Variants in TMOD3 observed in about 807,000 individuals in gnomAD.
TMOD3 encodes tropomodulin 3.
In TMOD3, 20 loss-of-function variants were observed where a neutral mutation model predicts 39.2. The observed-to-expected ratio is 0.51, with a 90% confidence interval of 0.36 to 0.74. TMOD3 has a LOEUF of 0.74. Among genes scored for constraint, TMOD3 ranks in the 30% least tolerant of loss-of-function variants. TMOD3 has a pLI of 0.00. For missense variants in TMOD3, 381 were observed against 412.8 expected, an observed-to-expected ratio of 0.92 and a Z score of 0.67; for synonymous variants, 143 against 145.8, an observed-to-expected ratio of 0.98 and a Z score of 0.14.
chr15:51,850,895 A>C (rs1276526870), intron 1 of TMOD3, among the ~76,000 whole-genome samples: 1 of 152,120 alleles, frequency 6.6e-6, no homozygotes, highest in Non-Finnish European at 1.5e-5. Flanking sequence ...CACCACGCTC[A>C]GTTAATTTTT....
intron 3 of TMOD3, among the ~76,000 whole-genome samples, chr15:51,885,966 C>G (rs1311309548): frequency 6.7e-6 from 1 of 150,226 alleles, no homozygotes; most frequent in Non-Finnish European, 1.5e-5. Flanking sequence ...CAGGGGCTGC[C>G]CCCTACCTCC....
chr15:51,862,782 T>G (rs2056425590), intron 1 of TMOD3, 29 bp from the exon 2 acceptor site: 1 of 1,177,786 alleles, frequency 8.5e-7, no homozygotes, highest in Admixed American at 2.6e-5. Flanking sequence ...ACTTACTATT[T>G]AAAATGTATT....
chr15:51,841,223 A>G (rs931090882), intron 1 of TMOD3, among the ~76,000 whole-genome samples: 2 of 152,242 alleles, frequency 1.3e-5, no homozygotes, highest in African/African-American at 4.8e-5. Context: ...ACTTCATTAT[A>G]ATATGATATG....
At chr15:51,839,014 T>A (rs949524446) in intron 1 of TMOD3, among the ~76,000 whole-genome samples, 2 of 152,290 alleles carry the variant, frequency 1.3e-5, no homozygotes, top group Middle Eastern at 3.4e-3. Flanking sequence ...GGGACTGGAA[T>A]AAGGGGTGGG....
In TMOD3 at chr15:51,915,330, G is replaced by A. The variant is rs549900717; in HGVS notation, c.*6520G>A. The A allele has an allele frequency of 2.0e-5, 3 of 151,746 alleles. No individual in the cohort carries two copies. The highest frequency in any genetic ancestry group is 2.0e-4 in the Admixed American group (3 of 15,236). 9.4% of individuals were successfully genotyped at this position (151,746 alleles called of 1,614,324 possible). A position where few individuals can be genotyped will look rare whatever the true frequency, so the allele number is the denominator to read the frequency against. ...CCATTTAAGAATTGTTTTTTCAAAT[G>A]TATATACACGTATAACATAAAAATT... On this transcript the variant is annotated 3_prime_UTR_variant, in exon 10 of 10. Coordinates refer to ENST00000308580, the MANE Select transcript of TMOD3 (RefSeq NM_014547.5).
At chr15:51,857,298 G>T (rs552143604) in intron 1 of TMOD3, among the ~76,000 whole-genome samples, 1 of 152,336 alleles carries the variant, frequency 6.6e-6, no homozygotes, top group African/African-American at 2.4e-5. Flanking sequence ...AACTAGAGAA[G>T]TGAATATGAG....
At chr15:51,906,681 C>G (rs1393591063) in intron 9 of TMOD3, among the ~76,000 whole-genome samples, 2 of 152,244 alleles carry the variant, frequency 1.3e-5, no homozygotes, top group East Asian at 3.9e-4. Flanking sequence ...CAGTAACATC[C>G]AAACCCTGCT....
chr15:51,902,920 G>A (rs1472485018), intron 9 of TMOD3, among the ~76,000 whole-genome samples: 1 of 151,988 alleles, frequency 6.6e-6, no homozygotes, highest in Admixed American at 6.6e-5. Flanking sequence ...CAAAGTGCTG[G>A]GATTACAAGC....
chr15:51,840,196 C>T (rs1342196763), intron 1 of TMOD3, among the ~76,000 whole-genome samples: 1 of 152,110 alleles, frequency 6.6e-6, no homozygotes. Flanking sequence ...TGGGCTAGCA[C>T]CTCTCTTCTA....
At chr15:51,887,492 C>A in intron 3 of TMOD3, 97 bp from the exon 4 acceptor site, 4 of 1,243,446 alleles carry the variant, frequency 3.2e-6, no homozygotes, top group Non-Finnish European at 4.4e-6. Flanking sequence ...TTAATCTTTT[C>A]CTTCAGGTTC....
intron 3 of TMOD3, among the ~76,000 whole-genome samples, chr15:51,882,318 C>T (rs1159898419): frequency 6.6e-6 from 1 of 151,788 alleles, no homozygotes; most frequent in Non-Finnish European, 1.5e-5. Context: ...GCAGGTGGAT[C>T]ACTTGAGGTC....
At chr15:51,882,708 A>ATAT (rs1388477059) in intron 3 of TMOD3, among the ~76,000 whole-genome samples, 1 of 152,156 alleles carries the variant, frequency 6.6e-6, no homozygotes, top group Non-Finnish European at 1.5e-5. Context: ...TGTTTTGATT[A>ATAT]TAGTAGCTTT....
At chr15:51,859,892 T>A in intron 1 of TMOD3, 1 of 538,062 alleles carries the variant, frequency 1.9e-6, no homozygotes. Context: ...AAGCTTGAGT[T>A]CATGTGCCCT....
intron 7 of TMOD3, among the ~76,000 whole-genome samples, chr15:51,896,840 G>A (rs1433465307): frequency 6.6e-6 from 1 of 152,026 alleles, no homozygotes; most frequent in African/African-American, 2.4e-5. Context: ...TCAATACATA[G>A]GGATCTACCA....
At chr15:51,861,419 G>T in intron 1 of TMOD3, 1 of 146,564 alleles carries the variant, frequency 6.8e-6, no homozygotes, top group Non-Finnish European at 1.5e-5. Flanking sequence ...CCAGTGGTGA[G>T]CCTGCCTTTC....
At chr15:51,877,600 A>C (rs988027907) in intron 3 of TMOD3, among the ~76,000 whole-genome samples, 1 of 151,986 alleles carries the variant, frequency 6.6e-6, no homozygotes, top group Non-Finnish European at 1.5e-5. Context: ...GAATCTCTTG[A>C]AACCGGAAGA....
intron 3 of TMOD3, among the ~76,000 whole-genome samples, chr15:51,877,062 C>CA (rs1049178813): frequency 7.3e-5 from 11 of 151,712 alleles, no homozygotes; most frequent in African/African-American, 1.4e-4. Flanking sequence ...GACTCTGTCT[C>CA]AAAAAAAATA....
chr15:51,876,170 G>T (rs550066838), intron 3 of TMOD3, among the ~76,000 whole-genome samples: 1 of 152,000 alleles, frequency 6.6e-6, no homozygotes, highest in East Asian at 1.9e-4. Flanking sequence ...TGTTGTTGTT[G>T]TTGTTGTTGT....
rs1228768909 is a variant in TMOD3, at chr15:51,902,031, A to T, written c.1019A>T (p.Asp340Val). ...RAANAITKNN[D>V]LVRKRRVEGD... ...GCTAATGCTATAACAAAAAACAATG[A>T]CTTAGGTAAGACATAGTATCGATCA... Residue 340 changes from aspartate (D) to valine (V), a missense_variant, in exon 9 of 10, where the codon GAC (aspartate) becomes GTC (valine). Asp to Val is a radical substitution (Grantham distance 152). Coordinates refer to ENST00000308580, the MANE Select transcript of TMOD3 (RefSeq NM_014547.5). 2 of 1,613,960 alleles carry T rather than the reference A, an allele frequency of 1.2e-6. No individual in the cohort carries two copies. The highest frequency in any genetic ancestry group is 2.7e-5 in the African/African-American group (2 of 74,936).
Sources: gnomAD v4.1 joint callset for allele counts (sites outside exome capture counted in the v4.1 genomes callset) on GRCh38, gnomAD v4.1.1 for gene constraint, MANE v1.5 for transcripts, NCBI Gene and HGNC (gene_info 2026-07-23, HGNC 2026-07-21) for gene names.